Variants in ARHGAP24 observed in about 807,000 individuals in gnomAD.
ARHGAP24 encodes Rho GTPase activating protein 24, also known as rho GTPase-activating protein 24.
In ARHGAP24, 50 loss-of-function variants were observed where a neutral mutation model predicts 76.4. The ratio of observed to expected loss-of-function variants is 0.65; its 90% CI spans 0.52 to 0.83. ARHGAP24 has a LOEUF of 0.83. Ranked by LOEUF, ARHGAP24 falls within the 40% of genes least tolerant of loss-of-function variation. ARHGAP24 has a pLI of 0.00. For missense variants in ARHGAP24, 930 were observed against 914.2 expected, an observed-to-expected ratio of 1.02 and a Z score of -0.22; for synonymous variants, 345 against 323.3, an observed-to-expected ratio of 1.07 and a Z score of -0.72.
chr4:85,728,522 T>C (rs1725266418), intron 3 of ARHGAP24, among the ~76,000 whole-genome samples: 1 of 152,194 alleles, frequency 6.6e-6, no homozygotes, highest in South Asian at 2.1e-4. Context: ...GACTTTTACC[T>C]CTCTGATTCA....
intron 8 of ARHGAP24, among the ~76,000 whole-genome samples, chr4:85,980,211 A>C (rs1265179474): frequency 6.6e-6 from 1 of 152,210 alleles, no homozygotes; most frequent in Non-Finnish European, 1.5e-5. Context: ...TTTAGTGGGC[A>C]GAGCTAGTAG....
At chr4:85,977,228 T>G (rs1031851428) in intron 7 of ARHGAP24, among the ~76,000 whole-genome samples, 1 of 152,200 alleles carries the variant, frequency 6.6e-6, no homozygotes, top group Non-Finnish European at 1.5e-5. Context: ...AATAGAGATA[T>G]AAAATTATTA....
At chr4:85,636,870 G>A (rs1484719351) in intron 2 of ARHGAP24, among the ~76,000 whole-genome samples, 1 of 151,910 alleles carries the variant, frequency 6.6e-6, no homozygotes, top group Non-Finnish European at 1.5e-5. Flanking sequence ...GCTCTTAGTG[G>A]TATGAATTTG....
chr4:85,975,951 T>A (rs1192910168), intron 7 of ARHGAP24, among the ~76,000 whole-genome samples: 2 of 152,216 alleles, frequency 1.3e-5, no homozygotes, highest in African/African-American at 4.8e-5. Context: ...AAGCAAACAG[T>A]ACCTTGGGTT....
chr4:85,731,865 G>A (rs1725424446), intron 3 of ARHGAP24, among the ~76,000 whole-genome samples: 1 of 152,094 alleles, frequency 6.6e-6, no homozygotes, highest in African/African-American at 2.4e-5. Context: ...CCATAAATAT[G>A]TACAATTATT....
intron 1 of ARHGAP24, among the ~76,000 whole-genome samples, chr4:85,477,466 G>C (rs540899570): frequency 6.6e-6 from 1 of 152,330 alleles, no homozygotes; most frequent in South Asian, 2.1e-4. Context: ...CTAGAACATA[G>C]ATTTAAGTGT....
At position 85,564,386 on chromosome 4, in the gene ARHGAP24, C is replaced by A. The variant is rs559105638; in HGVS notation, c.-20-6136C>A. Among the ~76,000 whole-genome samples, 1,270 of 145,628 alleles carry A rather than the reference C, an allele frequency of 8.7e-3. 10 individuals are homozygous for A. The highest frequency in any genetic ancestry group is 0.013 in the Non-Finnish European group (872 of 67,684). On this transcript the variant is annotated intron_variant, in intron 1 of 9. Transcript: ENST00000395184. ...GGAAGGGGAACATCACACACCGGGGCCTGTTGTGGGGTGGGGGGAGCGGGG... is the reference window on the plus strand; with the variant it reads ...GGAAGGGGAACATCACACACCGGGGACTGTTGTGGGGTGGGGGGAGCGGGG...
intron 2 of ARHGAP24, among the ~76,000 whole-genome samples, chr4:85,622,590 A>G (rs1720760712): frequency 6.6e-6 from 1 of 152,134 alleles, no homozygotes; most frequent in Admixed American, 6.5e-5. Context: ...AGCATGATTT[A>G]TAGTCCTTTG....
At chr4:85,669,519 G>T (rs1329896458) in intron 2 of ARHGAP24, among the ~76,000 whole-genome samples, 1 of 151,364 alleles carries the variant, frequency 6.6e-6, no homozygotes, top group Non-Finnish European at 1.5e-5. Flanking sequence ...CCCATAAAAA[G>T]GTACGTATGT....
At chr4:85,681,868 G>A (rs1387119379) in intron 2 of ARHGAP24, among the ~76,000 whole-genome samples, 1 of 152,040 alleles carries the variant, frequency 6.6e-6, no homozygotes, top group Non-Finnish European at 1.5e-5. Flanking sequence ...AAATATCACA[G>A]GCTAAAATGT....
chr4:85,527,382 C>T (rs1020122205), intron 1 of ARHGAP24, among the ~76,000 whole-genome samples: 2 of 151,896 alleles, frequency 1.3e-5, no homozygotes, highest in African/African-American at 2.4e-5. Flanking sequence ...TGATAAATGG[C>T]ATATTTTCTA....
chr4:85,889,043 T>G (rs1733734455), intron 3 of ARHGAP24, among the ~76,000 whole-genome samples: 1 of 152,190 alleles, frequency 6.6e-6, no homozygotes, highest in Non-Finnish European at 1.5e-5. Context: ...GCATTTAGCT[T>G]GATTCCATGT....
chr4:85,649,531 T>TAA (rs1721856015), intron 2 of ARHGAP24, among the ~76,000 whole-genome samples: 1 of 152,144 alleles, frequency 6.6e-6, no homozygotes. Context: ...TAATGTATTA[T>TAA]AAAGTATTTG....
intron 2 of ARHGAP24, among the ~76,000 whole-genome samples, chr4:85,656,760 C>G (rs1448993069): frequency 3.3e-5 from 5 of 151,628 alleles, no homozygotes; most frequent in African/African-American, 1.2e-4. Context: ...GCCACCACGC[C>G]TGGCCAATAA....
At chr4:85,690,085 T>A (rs368160906) in intron 2 of ARHGAP24, among the ~76,000 whole-genome samples, 1 of 152,182 alleles carries the variant, frequency 6.6e-6, no homozygotes, top group Admixed American at 6.5e-5. Context: ...TTGTATTTTA[T>A]TGGAAGTTTT....
intron 2 of ARHGAP24, among the ~76,000 whole-genome samples, chr4:85,578,107 C>A (rs1006042977): frequency 6.6e-6 from 1 of 152,180 alleles, no homozygotes; most frequent in Non-Finnish European, 1.5e-5. Flanking sequence ...ATTCTATGTA[C>A]AGTTCACTGT....
chr4:85,755,244 T>C (rs1386168718), intron 3 of ARHGAP24, among the ~76,000 whole-genome samples: 1 of 152,176 alleles, frequency 6.6e-6, no homozygotes, highest in Admixed American at 6.5e-5. Flanking sequence ...AGTGTACTTA[T>C]GGGGACAATT....
At chr4:85,487,470 T>A (rs1723130919) in intron 1 of ARHGAP24, among the ~76,000 whole-genome samples, 1 of 101,762 alleles carries the variant, frequency 9.8e-6, no homozygotes, top group African/African-American at 4.0e-5. Context: ...AAACATATAT[T>A]TATTACATAT....
At chr4:85,797,917 T>C (rs1728432871) in intron 3 of ARHGAP24, among the ~76,000 whole-genome samples, 1 of 152,176 alleles carries the variant, frequency 6.6e-6, no homozygotes, top group Non-Finnish European at 1.5e-5. Flanking sequence ...AGAGACACAA[T>C]ATCTGAAGAG....
Sources: gnomAD v4.1 joint callset for allele counts (sites outside exome capture counted in the v4.1 genomes callset) on GRCh38, gnomAD v4.1.1 for gene constraint, MANE v1.5 for transcripts, NCBI Gene and HGNC (gene_info 2026-07-23, HGNC 2026-07-21) for gene names.